The following DLG2 variants were observed in gnomAD, a reference collection of about 807,000 sequenced individuals.
The protein encoded by DLG2 is disks large homolog 2.
A neutral mutation model predicts 132.5 loss-of-function variants in DLG2; 45 were observed. The observed-to-expected ratio is 0.34, with a 90% CI of 0.27 to 0.44. DLG2 has a LOEUF of 0.44. Ranked by LOEUF, DLG2 falls within the 20% of genes least tolerant of loss-of-function variation. DLG2 has a pLI of 1.00. For synonymous variants in DLG2, 424 were observed against 419.6 expected, an observed-to-expected ratio of 1.01 and a Z score of -0.13; for missense variants, 1,045 against 1,196.9, an observed-to-expected ratio of 0.87 and a Z score of 1.87.
chr11:85,229,713 C>T (rs1177358659), intron 4 of DLG2, among the ~76,000 whole-genome samples: 2 of 152,084 alleles, frequency 1.3e-5, no homozygotes, highest in East Asian at 3.9e-4. Flanking sequence ...CAGCACTGTT[C>T]ACAATACCAA....
intron 10 of DLG2, among the ~76,000 whole-genome samples, chr11:84,064,872 C>T (rs1012097602): frequency 5.9e-5 from 9 of 152,026 alleles, no homozygotes; most frequent in Non-Finnish European, 2.9e-5. Context: ...AAAACAGACA[C>T]ACAGACCACT....
At chr11:83,933,846 GGCCT>G (rs2080885449) in intron 14 of DLG2, among the ~76,000 whole-genome samples, 2 of 152,302 alleles carry the variant, frequency 1.3e-5, no homozygotes, top group South Asian at 4.1e-4. Flanking sequence ...AGAAAAAAAA[GGCCT>G]AGGCCATTTG....
chr11:84,260,122 T>A (rs2097532113), intron 7 of DLG2, among the ~76,000 whole-genome samples: 1 of 152,172 alleles, frequency 6.6e-6, no homozygotes. Context: ...AGACCTCAGA[T>A]AGGCTGAGTT....
chr11:84,764,054 C>T (rs973071978), intron 6 of DLG2, among the ~76,000 whole-genome samples: 1 of 151,924 alleles, frequency 6.6e-6, no homozygotes, highest in Non-Finnish European at 1.5e-5. Flanking sequence ...CAGTTTATGC[C>T]CCCTTCAGTC....
intron 21 of DLG2, among the ~76,000 whole-genome samples, chr11:83,516,160 A>G (rs1328815558): frequency 6.6e-6 from 1 of 152,160 alleles, no homozygotes; most frequent in Non-Finnish European, 1.5e-5. Flanking sequence ...GTGGGAGTGT[A>G]AGTCTCTTTG....
At chr11:83,729,762 T>A (rs754457804) in intron 18 of DLG2, among the ~76,000 whole-genome samples, 2 of 152,208 alleles carry the variant, frequency 1.3e-5, no homozygotes, top group Non-Finnish European at 2.9e-5. Context: ...CAAAGTTGAA[T>A]TGGCAGTCTT....
chr11:83,585,298 A>G (rs1001991039), intron 19 of DLG2, among the ~76,000 whole-genome samples: 1 of 152,234 alleles, frequency 6.6e-6, no homozygotes, highest in African/African-American at 2.4e-5. Context: ...TGATCTGGGC[A>G]TAACTAACAA....
chr11:85,523,871 C>G (rs982570184), intron 3 of DLG2, among the ~76,000 whole-genome samples: 14 of 152,120 alleles, frequency 9.2e-5, no homozygotes, highest in African/African-American at 3.4e-4. Flanking sequence ...AAATGCGGTA[C>G]ATATACACAA....
intron 18 of DLG2, among the ~76,000 whole-genome samples, chr11:83,686,654 C>T (rs2079842831): frequency 6.6e-6 from 1 of 152,164 alleles, no homozygotes; most frequent in African/African-American, 2.4e-5. Context: ...TATATCCTTA[C>T]ACAAATTTCT....
chr11:83,506,772 C>G (rs377399683), intron 21 of DLG2, among the ~76,000 whole-genome samples: 1 of 152,196 alleles, frequency 6.6e-6, no homozygotes, highest in African/African-American at 2.4e-5. Flanking sequence ...TTCTCTCACA[C>G]GTTTCTATTG....
chr11:83,669,673 G>A (rs2076502297), intron 18 of DLG2, among the ~76,000 whole-genome samples: 1 of 151,980 alleles, frequency 6.6e-6, no homozygotes, highest in East Asian at 1.9e-4. Context: ...GGGACCACAA[G>A]GGTGTTTATG....
At chr11:85,481,389 A>C (rs2153089708) in intron 3 of DLG2, among the ~76,000 whole-genome samples, 1 of 152,312 alleles carries the variant, frequency 6.6e-6, no homozygotes, top group East Asian at 1.9e-4. Flanking sequence ...AGGTAAGGAA[A>C]CCAAGAGATT....
chr11:85,526,004 T>C (rs2074714461), intron 3 of DLG2, among the ~76,000 whole-genome samples: 1 of 152,152 alleles, frequency 6.6e-6, no homozygotes, highest in African/African-American at 2.4e-5. Flanking sequence ...AAAACAGTAC[T>C]TAAGGCTGAC....
chr11:84,799,645 G>T (rs550734382), intron 6 of DLG2, among the ~76,000 whole-genome samples: 2 of 152,038 alleles, frequency 1.3e-5, no homozygotes, highest in Non-Finnish European at 2.9e-5. Flanking sequence ...AATTTCTTAC[G>T]TCTAGAGGAA....
chr11:83,460,949 A>T (rs1384218830), intron 27 of DLG2, among the ~76,000 whole-genome samples: 14 of 152,078 alleles, frequency 9.2e-5, no homozygotes, highest in Non-Finnish European at 2.1e-4. Context: ...ATAAGGTAAA[A>T]AATAAAACAT....
At chr11:85,285,186 T>A (rs779454184) in intron 4 of DLG2, 34 bp downstream of exon 4, 3 of 1,594,434 alleles carry the variant, frequency 1.9e-6, no homozygotes, top group Non-Finnish European at 2.6e-6. Flanking sequence ...AGTCCTAGTA[T>A]TATTCAGTTC....
At chr11:84,675,896 T>C (rs548205468) in intron 6 of DLG2, among the ~76,000 whole-genome samples, 15 of 152,162 alleles carry the variant, frequency 9.9e-5, no homozygotes, top group Admixed American at 3.3e-4. Flanking sequence ...CTTGTCCACT[T>C]AAATCAGTAG....
At chr11:84,544,283 C>T (rs989568143) in intron 6 of DLG2, among the ~76,000 whole-genome samples, 1 of 152,100 alleles carries the variant, frequency 6.6e-6, no homozygotes, top group African/African-American at 2.4e-5. Context: ...AGAATGGAAC[C>T]ACAGACCTAT....
chr11:83,896,914 AT>A (rs1165741032), intron 15 of DLG2, among the ~76,000 whole-genome samples: 1 of 151,796 alleles, frequency 6.6e-6, no homozygotes, highest in Non-Finnish European at 1.5e-5. Flanking sequence ...ACAGTACAAG[AT>A]TTTTTAAAAA....
Sources: gnomAD v4.1 joint callset for allele counts (sites outside exome capture counted in the v4.1 genomes callset) on GRCh38, gnomAD v4.1.1 for gene constraint, MANE v1.5 for transcripts, NCBI Gene and HGNC (gene_info 2026-07-23, HGNC 2026-07-21) for gene names.